DISC1: variants seen among roughly 807,000 people sequenced by gnomAD.
DISC1 encodes disrupted in schizophrenia 1 protein.
A neutral mutation model predicts 84.5 loss-of-function variants in DISC1; 57 were observed. The observed-to-expected ratio is 0.67, with a 90% CI of 0.55 to 0.84. The LOEUF (loss-of-function observed/expected upper bound fraction) is 0.84. Ranked by LOEUF, DISC1 falls within the 40% of genes least tolerant of loss-of-function variation. The pLI is 0.00. For synonymous variants in DISC1, 411 were observed against 415.2 expected (o/e 0.99, Z 0.12); for missense variants, 1,000 against 1,057.8 (o/e 0.95, Z 0.76).
intron 9 of DISC1, among the ~76,000 whole-genome samples, chr1:231,942,687 TAAAAAAGAA>T (rs574128932): frequency 1.3e-5 from 2 of 151,108 alleles, no homozygotes; most frequent in African/African-American, 4.9e-5. Flanking sequence ...GTAAAATAAA[TAAAAAAGAA>T]AAAAAAGAAA....
chr1:231,984,460 AG>A (rs1329198311), intron 10 of DISC1, among the ~76,000 whole-genome samples: 1 of 152,182 alleles, frequency 6.6e-6, no homozygotes, highest in Admixed American at 6.5e-5. Context: ...GTCACTCAGA[AG>A]ATCTTGATAA....
Position 231,958,814 on chromosome 1 carries a change from T to G in DISC1, c.1982-14T>G. 1 of 1,605,670 alleles carries G rather than the reference T, an allele frequency of 6.2e-7. No individual in the cohort carries two copies. The highest frequency in any genetic ancestry group is 2.2e-5 in the East Asian group (1 of 44,692). ...GCAGTTGCATTAACTTTGGATTTCC[T>G]TTTTTTCCCCCAGAAACAAGTGTGA... On this transcript the variant is annotated splice_polypyrimidine_tract_variant and intron_variant, in intron 9 of 12. Transcript: ENST00000439617.
At chr1:231,693,471 A>G (rs2065283431) in intron 1 of DISC1, among the ~76,000 whole-genome samples, 1 of 152,224 alleles carries the variant, frequency 6.6e-6, no homozygotes, top group South Asian at 2.1e-4. Context: ...GGCCCACTCC[A>G]GGATGAGAGT....
chr1:231,940,401 T>C (rs1230842308), intron 9 of DISC1, among the ~76,000 whole-genome samples: 1 of 151,510 alleles, frequency 6.6e-6, no homozygotes, highest in East Asian at 1.9e-4. Flanking sequence ...GGACACTTGT[T>C]CTGCCAGTGT....
intron 6 of DISC1, among the ~76,000 whole-genome samples, chr1:231,783,981 C>T (rs917379241): frequency 1.4e-4 from 21 of 152,154 alleles, no homozygotes; most frequent in Admixed American, 3.3e-4. Flanking sequence ...AATGTGACAT[C>T]GGCCGGGCAC....
At chr1:231,855,373 T>C (rs2084197166) in intron 9 of DISC1, 2 of 984,506 alleles carry the variant, frequency 2.0e-6, no homozygotes, top group African/African-American at 1.7e-5. Flanking sequence ...AAAATAACTT[T>C]CCATAAATGA....
chr1:231,819,774 A>G (rs1244680303), intron 9 of DISC1, among the ~76,000 whole-genome samples: 1 of 152,222 alleles, frequency 6.6e-6, no homozygotes, highest in East Asian at 1.9e-4. Flanking sequence ...TGTATAAACG[A>G]TGGAAACTAC....
chr1:231,628,642 C>G (rs1043243415), intron 1 of DISC1, among the ~76,000 whole-genome samples: 2 of 152,212 alleles, frequency 1.3e-5, no homozygotes, highest in Non-Finnish European at 2.9e-5. Flanking sequence ...GATTAGAACC[C>G]TGGTGTGGGT....
At chr1:231,646,002 G>A (rs1227534632) in intron 1 of DISC1, among the ~76,000 whole-genome samples, 1 of 150,596 alleles carries the variant, frequency 6.6e-6, no homozygotes, top group Non-Finnish European at 1.5e-5. Context: ...CAATTAACTA[G>A]ACCTAACACA....
intron 1 of DISC1, among the ~76,000 whole-genome samples, chr1:231,635,941 CA>C (rs2125127895): frequency 6.6e-6 from 1 of 152,234 alleles, no homozygotes; most frequent in East Asian, 1.9e-4. Flanking sequence ...GATATTGTTT[CA>C]TCAGAAGGAC....
At chr1:231,844,995 C>A (rs886845225) in intron 9 of DISC1, among the ~76,000 whole-genome samples, 1 of 151,552 alleles carries the variant, frequency 6.6e-6, no homozygotes. Flanking sequence ...GTCTGGGTTT[C>A]GATAAGGGGT....
intron 3 of DISC1, among the ~76,000 whole-genome samples, chr1:231,728,092 C>T (rs571775711): frequency 3.3e-5 from 5 of 151,008 alleles, no homozygotes; most frequent in East Asian, 3.9e-4. Context: ...ATTTTTTTTT[C>T]GTATGCTAGA....
chr1:232,019,660 G>C (rs1668773020), intron 11 of DISC1, among the ~76,000 whole-genome samples: 1 of 152,158 alleles, frequency 6.6e-6, no homozygotes, highest in South Asian at 2.1e-4. Context: ...TTGTGGACAT[G>C]GTTCAGAATA....
chr1:231,800,298 C>A, intron 8 of DISC1, 88 bp downstream of exon 8: 1 of 1,027,124 alleles, frequency 9.7e-7, no homozygotes, highest in South Asian at 1.3e-5. Flanking sequence ...GATGAACATT[C>A]CACTGTTATT....
At chr1:231,983,247 A>G (rs1344747697) in intron 10 of DISC1, among the ~76,000 whole-genome samples, 1 of 151,828 alleles carries the variant, frequency 6.6e-6, no homozygotes, top group South Asian at 2.1e-4. Flanking sequence ...ACCAGTGGCA[A>G]TCTGCTACGA....
chr1:231,945,260 G>A (rs1670446879), intron 9 of DISC1: 1 of 152,174 alleles, frequency 6.6e-6, no homozygotes, highest in Non-Finnish European at 1.5e-5. Context: ...ATAACAAATA[G>A]TCTCTCAGAC....
Position 231,907,822 on chromosome 1 carries a change from C to T in DISC1, c.1982-51006C>T, listed in dbSNP as rs550482442. ...TAAAAGTGTTCCTATTTCTCCACAT[C>T]CTCTCCAGTACCTGTTGTTTCCTGA... On this transcript the variant is annotated intron_variant, in intron 9 of 12. Transcript: ENST00000439617. 6.4e-4 allele frequency among the ~76,000 whole-genome samples: 97 copies of T among 152,326 alleles called. 1 individual carries two copies. The highest frequency in any genetic ancestry group is 2.2e-3 in the African/African-American group (93 of 41,564).
At chr1:232,024,066 T>TAC (rs1462999257) in intron 11 of DISC1, among the ~76,000 whole-genome samples, 1 of 150,442 alleles carries the variant, frequency 6.6e-6, no homozygotes, top group Non-Finnish European at 1.5e-5. Context: ...TATGTGTGTA[T>TAC]ATATATATAT....
chr1:231,866,107 G>T (rs994402128), intron 9 of DISC1, among the ~76,000 whole-genome samples: 3 of 151,948 alleles, frequency 2.0e-5, no homozygotes, highest in Non-Finnish European at 4.4e-5. Context: ...TGTGTGTGTG[G>T]CTCAGTGCCT....
Sources: gnomAD v4.1 joint callset for allele counts (sites outside exome capture counted in the v4.1 genomes callset) on GRCh38, gnomAD v4.1.1 for gene constraint, MANE v1.5 for transcripts, NCBI Gene and HGNC (gene_info 2026-07-23, HGNC 2026-07-21) for gene names.